Variants in FRMD4A observed in about 807,000 individuals in gnomAD.
FRMD4A encodes the protein FERM domain containing 4A, also known as FERM domain-containing protein 4A.
In FRMD4A, 29 loss-of-function variants were observed where a neutral mutation model predicts 129.1. That is an observed-to-expected ratio of 0.22 (90% CI 0.17 to 0.31). The LOEUF (loss-of-function observed/expected upper bound fraction) is 0.31. Among genes scored for constraint, FRMD4A ranks in the 10% least tolerant of loss-of-function variants. The pLI is 1.00. For synonymous variants in FRMD4A, 634 were observed against 571.6 expected (o/e 1.11, Z -1.56); for missense variants, 1,272 against 1,375.8 (o/e 0.92, Z 1.19).
At chr10:14,298,751 CAGG>C (rs1030890938) in intron 2 of FRMD4A, among the ~76,000 whole-genome samples, 56 of 152,188 alleles carry the variant, frequency 3.7e-4, no homozygotes, top group African/African-American at 1.3e-3. Flanking sequence ...CAGGGAAGAA[CAGG>C]AGAACGAAGG....
At chr10:13,725,297 C>T (rs781340191) in intron 12 of FRMD4A, among the ~76,000 whole-genome samples, 3 of 152,160 alleles carry the variant, frequency 2.0e-5, no homozygotes, top group Non-Finnish European at 4.4e-5. Context: ...CAGGGGCAGG[C>T]GTGCAGCACC....
At chr10:14,036,574 T>A (rs1401628882) in intron 2 of FRMD4A, among the ~76,000 whole-genome samples, 1 of 152,192 alleles carries the variant, frequency 6.6e-6, no homozygotes, top group Admixed American at 6.5e-5. Context: ...CATGACGGAA[T>A]CACTGATTTT....
At chr10:13,713,770 CATATATATA>C (rs1044813230) in intron 12 of FRMD4A, among the ~76,000 whole-genome samples, 5 of 138,240 alleles carry the variant, frequency 3.6e-5, no homozygotes, top group African/African-American at 1.3e-4. Flanking sequence ...TATATATACA[CATATATATA>C]ATATATATAC....
Position 14,050,824 on chromosome 10 carries a change from G to C in FRMD4A, c.46-191912C>G, listed in dbSNP as rs145707419. On this transcript the variant is annotated intron_variant, in intron 2 of 24. Coordinates refer to ENST00000357447, the MANE Select transcript of FRMD4A (RefSeq NM_018027.5). ...CCCAGAAAGGGCCTAGCAGCTCCAC[G>C]CCCTCCCGCATGCCCTGCCCAGTGC... Among the ~76,000 whole-genome samples, 6 of 152,316 alleles carry C rather than the reference G, an allele frequency of 3.9e-5. No homozygotes were observed. The South Asian group carries it at 1.2e-3, about 32-fold the overall frequency.
At chr10:13,689,198 C>CGGGGGGG (rs61670615) in intron 15 of FRMD4A, among the ~76,000 whole-genome samples, 10 of 68,014 alleles carry the variant, frequency 1.5e-4, no homozygotes, top group African/African-American at 4.5e-4. Flanking sequence ...AAACTCTTTG[C>CGGGGGGG]GGGGGGGGGG....
intron 5 of FRMD4A, among the ~76,000 whole-genome samples, chr10:13,786,440 A>C (rs2092865189): frequency 6.6e-6 from 1 of 152,176 alleles, no homozygotes; most frequent in Non-Finnish European, 1.5e-5. Context: ...GCCTGTCTCT[A>C]CTAAAAATAC....
intron 2 of FRMD4A, among the ~76,000 whole-genome samples, chr10:13,865,765 T>C (rs1042361543): frequency 1.3e-5 from 2 of 152,150 alleles, no homozygotes; most frequent in Non-Finnish European, 2.9e-5. Flanking sequence ...TGTAATGCAG[T>C]TGTGCAAATT....
intron 2 of FRMD4A, among the ~76,000 whole-genome samples, chr10:14,243,111 T>C (rs1169191438): frequency 6.6e-6 from 1 of 152,146 alleles, no homozygotes; most frequent in South Asian, 2.1e-4. Flanking sequence ...TTATTCAGCC[T>C]TAAAAAGGAA....
At chr10:14,302,850 T>G (rs1054500349) in intron 2 of FRMD4A, among the ~76,000 whole-genome samples, 6 of 152,186 alleles carry the variant, frequency 3.9e-5, no homozygotes, top group African/African-American at 1.2e-4. Context: ...GGGACAGAAC[T>G]TGGTTAGGAC....
chr10:13,985,999 G>A (rs2095579799), intron 2 of FRMD4A, among the ~76,000 whole-genome samples: 1 of 152,308 alleles, frequency 6.6e-6, no homozygotes, highest in East Asian at 1.9e-4. Flanking sequence ...GCCACCCGTG[G>A]CTTTGGTCAT....
At chr10:13,833,719 G>A (rs2093826368) in intron 3 of FRMD4A, among the ~76,000 whole-genome samples, 1 of 151,934 alleles carries the variant, frequency 6.6e-6, no homozygotes, top group Non-Finnish European at 1.5e-5. Flanking sequence ...CATCTCGTAA[G>A]TCTTTACAAG....
chr10:14,268,311 A>C (rs184806717), intron 2 of FRMD4A, among the ~76,000 whole-genome samples: 1 of 152,366 alleles, frequency 6.6e-6, no homozygotes, highest in Admixed American at 6.5e-5. Flanking sequence ...GTCTCTCTCA[A>C]CATGATAGGC....
intron 2 of FRMD4A, among the ~76,000 whole-genome samples, chr10:14,295,278 G>A (rs1423235643): frequency 6.6e-6 from 1 of 152,160 alleles, no homozygotes; most frequent in Non-Finnish European, 1.5e-5. Flanking sequence ...TTACTGGGAG[G>A]ATTTACTTGG....
intron 2 of FRMD4A, among the ~76,000 whole-genome samples, chr10:13,881,665 G>C: frequency 6.6e-6 from 1 of 152,072 alleles, no homozygotes; most frequent in Non-Finnish European, 1.5e-5. Context: ...CAAATGCCAG[G>C]GATAACGCTG....
intron 2 of FRMD4A, among the ~76,000 whole-genome samples, chr10:14,032,621 G>T (rs1178740329): frequency 6.6e-6 from 1 of 152,292 alleles, no homozygotes; most frequent in East Asian, 1.9e-4. Context: ...AGGCCACCAG[G>T]GGGCGCCAGC....
chr10:13,723,895 A>G (rs549844714), intron 12 of FRMD4A, among the ~76,000 whole-genome samples: 1 of 152,312 alleles, frequency 6.6e-6, no homozygotes, highest in Non-Finnish European at 1.5e-5. Context: ...GAATGGAGAG[A>G]TTTAACTTTA....
chr10:14,129,654 G>A (rs1453070976), intron 2 of FRMD4A, among the ~76,000 whole-genome samples: 2 of 151,928 alleles, frequency 1.3e-5, no homozygotes, highest in South Asian at 2.1e-4. Flanking sequence ...CCTGTCAGTG[G>A]AGTCTTGCAT....
intron 2 of FRMD4A, among the ~76,000 whole-genome samples, chr10:14,310,681 G>A (rs1846517086): frequency 6.6e-6 from 1 of 152,122 alleles, no homozygotes; most frequent in African/African-American, 2.4e-5. Context: ...AGAAATTCGA[G>A]CGCTATGCAA....
At chr10:14,285,727 T>C (rs906016790) in intron 2 of FRMD4A, among the ~76,000 whole-genome samples, 2 of 152,252 alleles carry the variant, frequency 1.3e-5, no homozygotes, top group Admixed American at 1.3e-4. Context: ...ATATGGTCAA[T>C]AAATATTAAC....
Sources: gnomAD v4.1 joint callset for allele counts (sites outside exome capture counted in the v4.1 genomes callset) on GRCh38, gnomAD v4.1.1 for gene constraint, MANE v1.5 for transcripts, NCBI Gene and HGNC (gene_info 2026-07-23, HGNC 2026-07-21) for gene names.